TPST1: variants seen among roughly 807,000 people sequenced by gnomAD.
The protein encoded by TPST1 is protein-tyrosine sulfotransferase 1.
Under a neutral mutation model 34.8 loss-of-function variants are expected in TPST1, and 20 were observed. The ratio of observed to expected loss-of-function variants is 0.57; its 90% CI spans 0.40 to 0.84. TPST1 has a LOEUF of 0.84. Ranked by LOEUF, TPST1 falls within the 40% of genes least tolerant of loss-of-function variation. The probability of loss-of-function intolerance (pLI) is 0.00; values close to 1 mark genes in which losing one functional copy is unlikely to be tolerated. For missense variants in TPST1, 353 were observed against 455.5 expected, an observed-to-expected ratio of 0.78 and a Z score of 2.05; for synonymous variants, 152 against 159.4, an observed-to-expected ratio of 0.95 and a Z score of 0.35.
At chr7:66,285,306 C>T (rs898115711) in intron 2 of TPST1, among the ~76,000 whole-genome samples, 2 of 151,948 alleles carry the variant, frequency 1.3e-5, no homozygotes, top group Non-Finnish European at 2.9e-5. Flanking sequence ...CCTGGGCAAA[C>T]GAGGATGTTC....
chr7:66,339,980 A>G (rs1299778211), intron 3 of TPST1, among the ~76,000 whole-genome samples: 7 of 152,202 alleles, frequency 4.6e-5, no homozygotes, highest in Non-Finnish European at 8.8e-5. Flanking sequence ...TAGATGCTCA[A>G]AAAGCATTCA....
chr7:66,199,056 C>T, the TPST1 span, among the ~76,000 whole-genome samples: 1 of 152,144 alleles, frequency 6.6e-6, no homozygotes, highest in African/African-American at 2.4e-5. Context: ...AGATCTTTGG[C>T]TCTGGAGTCC....
At chr7:66,339,015 C>T (rs1792179006) in intron 3 of TPST1, among the ~76,000 whole-genome samples, 1 of 137,484 alleles carries the variant, frequency 7.3e-6, no homozygotes, top group East Asian at 2.2e-4. Flanking sequence ...TAAATGAAAC[C>T]AAGACTAAAA....
At chr7:66,286,149 CT>C (rs903300345) in intron 2 of TPST1, among the ~76,000 whole-genome samples, 8 of 151,984 alleles carry the variant, frequency 5.3e-5, no homozygotes, top group Non-Finnish European at 1.0e-4. Context: ...ATCAGTCTGT[CT>C]TTTTTTTGGT....
At chr7:66,254,650 C>T (rs1002097768) in intron 2 of TPST1, among the ~76,000 whole-genome samples, 54 of 152,132 alleles carry the variant, frequency 3.5e-4, no homozygotes, top group Non-Finnish European at 4.3e-4. Flanking sequence ...GTGATGCACT[C>T]GCCTCAGCCT....
intron 3 of TPST1, among the ~76,000 whole-genome samples, chr7:66,316,041 C>T (rs531069113): frequency 1.1e-3 from 161 of 150,326 alleles, no homozygotes; most frequent in African/African-American, 3.6e-3. Flanking sequence ...ACTCAGGATG[C>T]GGAGGTTGCG....
intron 1 of TPST1, among the ~76,000 whole-genome samples, chr7:66,237,975 C>T (rs1047636484): frequency 1.3e-5 from 2 of 152,042 alleles, no homozygotes; most frequent in Admixed American, 6.6e-5. Flanking sequence ...ATCACCAGAC[C>T]GACTTAAAAT....
rs1265285648 is a variant in TPST1, at chr7:66,356,874, G to A, written c.*29+3G>A. 2.5e-6 allele frequency: 4 copies of A among 1,614,122 alleles called. No individual in the cohort carries two copies. On this transcript the variant is annotated splice_donor_region_variant and intron_variant, in intron 5 of 5. Coordinates refer to ENST00000304842, the MANE Select transcript of TPST1 (RefSeq NM_003596.4). ...CAGGAGCCTCTTCCATACATGAGGT[G>A]AGGGTTGGGGGACATTGCCAGGTCT...
intron 1 of TPST1, among the ~76,000 whole-genome samples, chr7:66,219,918 G>A (rs995433763): frequency 2.0e-4 from 31 of 152,210 alleles, no homozygotes; most frequent in Admixed American, 9.2e-4. Context: ...CTTATTTTTC[G>A]TTGCAGCAAT....
intron 3 of TPST1, among the ~76,000 whole-genome samples, chr7:66,341,902 TAGG>T (rs1447613909): frequency 2.0e-5 from 3 of 152,082 alleles, no homozygotes; most frequent in African/African-American, 2.4e-5. Context: ...GAACTAAAAA[TAGG>T]AGAGCTGAAA....
intron 2 of TPST1, among the ~76,000 whole-genome samples, chr7:66,243,987 C>T (rs1369643289): frequency 2.1e-5 from 3 of 144,702 alleles, no homozygotes; most frequent in Admixed American, 1.4e-4. Flanking sequence ...CTTGCTCTGT[C>T]GCCCAGGCTG....
At chr7:66,261,223 G>A (rs562888324) in intron 2 of TPST1, among the ~76,000 whole-genome samples, 3 of 133,424 alleles carry the variant, frequency 2.2e-5, no homozygotes, top group East Asian at 2.1e-4. Flanking sequence ...GTTGTGCAAC[G>A]TATATTGTCT....
upstream of TPST1, among the ~76,000 whole-genome samples, chr7:66,202,983 G>C (rs558266372): frequency 5.9e-5 from 9 of 152,250 alleles, no homozygotes; most frequent in African/African-American, 2.2e-4. Flanking sequence ...GGCTGAGGCT[G>C]AAGAATCACT....
chr7:66,205,235 G>C (rs1175554966), upstream of TPST1: 1 of 152,252 alleles, frequency 6.6e-6, no homozygotes, highest in Non-Finnish European at 1.5e-5. The surrounding 1 kb of genome is among the most constrained non-coding windows in gnomAD (Gnocchi z 5.0). Context: ...TCACGAATCA[G>C]AGCAGCCGAC....
intron 3 of TPST1, among the ~76,000 whole-genome samples, chr7:66,302,543 T>G (rs1026059958): frequency 6.6e-6 from 1 of 152,202 alleles, no homozygotes; most frequent in Non-Finnish European, 1.5e-5. Flanking sequence ...AGATTCTAAT[T>G]AATCATACCA....
chr7:66,199,641 C>A, the TPST1 span, among the ~76,000 whole-genome samples: 2 of 151,654 alleles, frequency 1.3e-5, no homozygotes, highest in African/African-American at 4.8e-5. Context: ...CATTTCCCAC[C>A]TCTGCCACCA....
chr7:66,237,402 G>A (rs1314660080), intron 1 of TPST1, among the ~76,000 whole-genome samples: 1 of 152,200 alleles, frequency 6.6e-6, no homozygotes, highest in African/African-American at 2.4e-5. Context: ...CACTGAAAGG[G>A]TTGTTTTGCC....
At chr7:66,344,958 T>C (rs1357933951) in intron 3 of TPST1, among the ~76,000 whole-genome samples, 1 of 148,742 alleles carries the variant, frequency 6.7e-6, no homozygotes, top group Admixed American at 6.7e-5. Flanking sequence ...TCTCCTGACC[T>C]TGTGATCCGC....
intron 1 of TPST1, among the ~76,000 whole-genome samples, chr7:66,211,838 T>C (rs964056594): frequency 1.3e-5 from 2 of 152,092 alleles, no homozygotes; most frequent in African/African-American, 4.8e-5. Flanking sequence ...TGGTGGTGGG[T>C]GCCTGTAGTC....
Sources: gnomAD v4.1 joint callset for allele counts (sites outside exome capture counted in the v4.1 genomes callset) on GRCh38, gnomAD v4.1.1 for gene constraint, Gnocchi (gnomAD v3.1) non-coding constraint, MANE v1.5 for transcripts, NCBI Gene and HGNC (gene_info 2026-07-23, HGNC 2026-07-21) for gene names.